Variants in RELN observed in about 807,000 individuals in gnomAD.
RELN encodes reelin.
Under a neutral mutation model 427.6 loss-of-function variants are expected in RELN, and 108 were observed. The ratio of observed to expected loss-of-function variants is 0.25; its 90% CI spans 0.22 to 0.30. The LOEUF is 0.30. Ranked by LOEUF, RELN falls within the 10% of genes least tolerant of loss-of-function variation. The pLI is 1.00. For synonymous variants in RELN, 1,524 were observed against 1,513.4 expected, an observed-to-expected ratio of 1.01 and a Z score of -0.16; for missense variants, 3,715 against 4,302.8, an observed-to-expected ratio of 0.86 and a Z score of 3.82.
At chr7:103,853,369 G>A (rs969854715) in intron 2 of RELN, among the ~76,000 whole-genome samples, 5 of 152,004 alleles carry the variant, frequency 3.3e-5, no homozygotes, top group African/African-American at 1.2e-4. Flanking sequence ...AATCACAGGT[G>A]ATGATGTGAA....
intron 9 of RELN, 73 bp downstream of exon 9, chr7:103,700,832 TGGTGG>T: frequency 3.5e-6 from 3 of 869,260 alleles, no homozygotes; most frequent in Middle Eastern, 4.6e-4. Flanking sequence ...AAAAAGTTAG[TGGTGG>T]ATTGAAGGCA....
intron 2 of RELN, among the ~76,000 whole-genome samples, chr7:103,892,493 A>G (rs538946092): frequency 1.3e-5 from 2 of 152,298 alleles, no homozygotes; most frequent in African/African-American, 4.8e-5. Flanking sequence ...ATTCTTCCCC[A>G]TGACACCACA....
intron 2 of RELN, among the ~76,000 whole-genome samples, chr7:103,908,397 T>TA (rs1476193288): frequency 6.6e-6 from 1 of 152,152 alleles, no homozygotes; most frequent in Non-Finnish European, 1.5e-5. Context: ...CCTACAACTT[T>TA]ATGAACTGGG....
chr7:103,917,256 G>GACAT, intron 1 of RELN, 71 bp from the exon 2 acceptor site: 1 of 1,188,624 alleles, frequency 8.4e-7, no homozygotes, highest in Non-Finnish European at 1.3e-6. Context: ...TGAAGTGTTA[G>GACAT]ACATTGTCAA....
intron 3 of RELN, among the ~76,000 whole-genome samples, chr7:103,798,809 GT>G (rs1163045461): frequency 2.6e-5 from 4 of 152,272 alleles, no homozygotes; most frequent in African/African-American, 9.6e-5. Flanking sequence ...ACGAACAAAT[GT>G]TTTTGTGTTC....
chr7:103,932,731 G>T (rs1195225517), intron 1 of RELN, among the ~76,000 whole-genome samples: 1 of 152,178 alleles, frequency 6.6e-6, no homozygotes, highest in African/African-American at 2.4e-5. Context: ...ACCAAAGTGG[G>T]CAACTGAAAC....
At chr7:103,756,282 A>C (rs184188803) in intron 4 of RELN, among the ~76,000 whole-genome samples, 7 of 152,340 alleles carry the variant, frequency 4.6e-5, no homozygotes. Flanking sequence ...AGACCCACTG[A>C]GTCAGAATCT....
chr7:103,509,312 CCAAT>C (rs1431503015), intron 51 of RELN, among the ~76,000 whole-genome samples: 3 of 152,060 alleles, frequency 2.0e-5, no homozygotes, highest in African/African-American at 4.8e-5. Flanking sequence ...GTTATATAGA[CCAAT>C]CAAACAGAAC....
chr7:103,943,464 C>T (rs181709256), intron 1 of RELN, among the ~76,000 whole-genome samples: 1 of 152,028 alleles, frequency 6.6e-6, no homozygotes, highest in African/African-American at 2.4e-5. Flanking sequence ...ATTAAATGTG[C>T]AAATTTGGGG....
At chr7:103,628,983 C>A (rs911937405) in intron 20 of RELN, among the ~76,000 whole-genome samples, 2 of 152,192 alleles carry the variant, frequency 1.3e-5, no homozygotes, top group Non-Finnish European at 2.9e-5. Context: ...GGACAACTGG[C>A]CTCCTTCCTG....
chr7:103,644,649 C>G (rs1832761601), intron 16 of RELN, among the ~76,000 whole-genome samples: 1 of 151,566 alleles, frequency 6.6e-6, no homozygotes, highest in South Asian at 2.1e-4. Flanking sequence ...ATGTCCAAAC[C>G]TATGAGTCAA....
intron 8 of RELN, among the ~76,000 whole-genome samples, chr7:103,705,404 G>A (rs139042952): frequency 3.6e-3 from 544 of 152,168 alleles, no homozygotes; most frequent in African/African-American, 0.012. Flanking sequence ...TAATAAAATC[G>A]TAACCTTACA....
chr7:103,663,656 G>A (rs1833193992), intron 11 of RELN, among the ~76,000 whole-genome samples: 1 of 152,122 alleles, frequency 6.6e-6, no homozygotes, highest in African/African-American at 2.4e-5. Context: ...ATTGCTGCCA[G>A]GCTTAGGCTT....
chr7:103,815,594 C>A (rs39338), intron 3 of RELN, among the ~76,000 whole-genome samples: 25,519 of 152,166 alleles, frequency 0.17, 2,457 homozygotes, highest in Non-Finnish European at 0.21. Context: ...AAAAATAGAA[C>A]TTCTACTTAC....
intron 6 of RELN, among the ~76,000 whole-genome samples, chr7:103,739,859 G>A (rs1790597092): frequency 6.6e-6 from 1 of 152,144 alleles, no homozygotes; most frequent in East Asian, 1.9e-4. Flanking sequence ...GCACACCAGA[G>A]TACAGCACAG....
At chr7:103,706,186 A>T (rs1307628704) in intron 8 of RELN, among the ~76,000 whole-genome samples, 1 of 151,946 alleles carries the variant, frequency 6.6e-6, no homozygotes, top group Non-Finnish European at 1.5e-5. Flanking sequence ...ATTGGTAAAT[A>T]TGCTAGTAGG....
At chr7:103,750,640 C>A (rs1404444098) in intron 5 of RELN, among the ~76,000 whole-genome samples, 2 of 152,074 alleles carry the variant, frequency 1.3e-5, no homozygotes, top group African/African-American at 2.4e-5. Flanking sequence ...TCTACTAACC[C>A]ATTTTTTCTT....
At chr7:103,859,541 C>A (rs1794024134) in intron 2 of RELN, among the ~76,000 whole-genome samples, 1 of 152,148 alleles carries the variant, frequency 6.6e-6, no homozygotes, top group Non-Finnish European at 1.5e-5. Context: ...GATCCGCCCA[C>A]TTTGACCTCC....
At chr7:103,609,907 A>G (rs1240495640) in intron 22 of RELN, among the ~76,000 whole-genome samples, 1 of 152,198 alleles carries the variant, frequency 6.6e-6, no homozygotes, top group Non-Finnish European at 1.5e-5. Context: ...GACCTGTAAG[A>G]TCATGTAATT....
Sources: gnomAD v4.1 joint callset for allele counts (sites outside exome capture counted in the v4.1 genomes callset) on GRCh38, gnomAD v4.1.1 for gene constraint, MANE v1.5 for transcripts, NCBI Gene and HGNC (gene_info 2026-07-23, HGNC 2026-07-21) for gene names.